Variants in OPA3 observed in about 807,000 individuals in gnomAD.
The protein encoded by OPA3 is optic atrophy 3 protein.
In OPA3, 6 loss-of-function variants were observed where a neutral mutation model predicts 4.0. The observed-to-expected ratio is 1.51, with a 90% CI of 0.83 to 2.99. The LOEUF (loss-of-function observed/expected upper bound fraction) is 2.99. Among genes scored for constraint, OPA3 ranks in the 30% most tolerant of loss-of-function variants. The pLI, the probability that OPA3 is intolerant of heterozygous loss-of-function variation, is 0.00. For synonymous variants in OPA3, 105 were observed against 117.1 expected (o/e 0.90, Z 0.67); for missense variants, 235 against 256.2 (o/e 0.92, Z 0.56).
chr19:45,569,663 G>A (rs963308418), intron 1 of OPA3, among the ~76,000 whole-genome samples: 1 of 152,088 alleles, frequency 6.6e-6, no homozygotes, highest in Non-Finnish European at 1.5e-5. Context: ...GAGTTTCCTG[G>A]GGGCTTCTGG....
At chr19:45,544,279 C>A (rs576033387), downstream of OPA3, among the ~76,000 whole-genome samples, 3 of 152,144 alleles carry the variant, frequency 2.0e-5, no homozygotes, top group Non-Finnish European at 4.4e-5. Context: ...AGCCACCACG[C>A]GGAGGAAACA....
chr19:45,530,233 A>G (rs573831535), intron 1 of OPA3, among the ~76,000 whole-genome samples: 1 of 152,192 alleles, frequency 6.6e-6, no homozygotes, highest in South Asian at 2.1e-4. Flanking sequence ...GCGTGCCTCT[A>G]ATACCAGCTA....
chr19:45,535,897 T>C (rs1279106499), intron 1 of OPA3, among the ~76,000 whole-genome samples: 1 of 151,724 alleles, frequency 6.6e-6, no homozygotes, highest in African/African-American at 2.4e-5. Flanking sequence ...CCTGAGTAGC[T>C]GGGACTAAAG....
chr19:45,582,293 G>A (rs2122523513), intron 1 of OPA3, among the ~76,000 whole-genome samples: 1 of 151,910 alleles, frequency 6.6e-6, no homozygotes, highest in East Asian at 1.9e-4. Flanking sequence ...CCGAGTAGCT[G>A]GGATTATAGG....
intron 1 of OPA3, among the ~76,000 whole-genome samples, chr19:45,578,591 G>A (rs1236922610): frequency 6.6e-6 from 1 of 152,152 alleles, no homozygotes; most frequent in African/African-American, 2.4e-5. Flanking sequence ...ACTTTGGGAG[G>A]CCAAGGCGGG....
intron 1 of OPA3, among the ~76,000 whole-genome samples, chr19:45,533,362 T>G (rs1044797241): frequency 6.6e-6 from 1 of 151,646 alleles, no homozygotes; most frequent in Non-Finnish European, 1.5e-5. Context: ...GCCCGGCTAA[T>G]ATTTTGTATT....
chr19:45,563,853 C>CTTT (rs772674145), intron 1 of OPA3, among the ~76,000 whole-genome samples: 2 of 141,350 alleles, frequency 1.4e-5, no homozygotes, highest in Non-Finnish European at 3.1e-5. Flanking sequence ...CGCGCCCGGC[C>CTTT]TTTTTTTTTT....
At chr19:45,542,316 C>T (rs1262801439), downstream of OPA3, among the ~76,000 whole-genome samples, 1 of 152,200 alleles carries the variant, frequency 6.6e-6, no homozygotes, top group African/African-American at 2.4e-5. Context: ...CAGCCGTGCA[C>T]TGCTTAATGA....
rs1262670774 is a variant in OPA3 at position 45,553,607 on chromosome 19, C to A, written c.447G>T (p.Leu149=). 2 of 1,610,416 alleles carry A rather than the reference C, an allele frequency of 1.2e-6. No homozygotes were observed. The highest frequency in any genetic ancestry group is 1.7e-6 in the Non-Finnish European group (2 of 1,179,280). Reference sequence around the variant, plus strand: ...CTTGCAGCTCTGTGCGCAGTTCCTCCAGGGCGCCCTGTGGCGGCGCCGCCT... The same window carrying A: ...CTTGCAGCTCTGTGCGCAGTTCCTCAAGGGCGCCCTGTGGCGGCGCCGCCT... ...QVQAAPPQGA[L]EELRTELQEV... The change falls in exon 2 of 2, where the codon CTG becomes CTT. Residue 149 remains leucine (L), a synonymous_variant. Transcript: ENST00000263275.
chr19:45,582,600 G>C (rs552572328), intron 1 of OPA3, among the ~76,000 whole-genome samples: 2 of 152,274 alleles, frequency 1.3e-5, no homozygotes, highest in South Asian at 2.1e-4. Context: ...CAGTGAGCCA[G>C]GAGTGCTGAT....
At chr19:45,536,270 A>C (rs1969117344) in intron 1 of OPA3, among the ~76,000 whole-genome samples, 1 of 147,660 alleles carries the variant, frequency 6.8e-6, no homozygotes. Context: ...TGGGCCGGGC[A>C]CGGTGGCTCA....
intron 1 of OPA3, among the ~76,000 whole-genome samples, chr19:45,554,981 G>A (rs1037785319): frequency 6.6e-6 from 1 of 152,036 alleles, no homozygotes; most frequent in Non-Finnish European, 1.5e-5. Flanking sequence ...TAGTAGAGAA[G>A]GGGTTTCACC....
chr19:45,578,177 C>T (rs568181346), intron 1 of OPA3, among the ~76,000 whole-genome samples: 21 of 152,320 alleles, frequency 1.4e-4, no homozygotes, highest in African/African-American at 4.8e-4. Context: ...TTTCCCAAAG[C>T]AGACCTCCTT....
intron 1 of OPA3, among the ~76,000 whole-genome samples, chr19:45,535,735 TG>T (rs1969108296): frequency 6.6e-6 from 1 of 150,968 alleles, no homozygotes; most frequent in South Asian, 2.1e-4. Context: ...TTTAATTGTT[TG>T]AACATAATAA....
intron 1 of OPA3, among the ~76,000 whole-genome samples, chr19:45,530,551 C>G (rs560544108): frequency 2.0e-5 from 3 of 151,680 alleles, no homozygotes; most frequent in Non-Finnish European, 4.4e-5. Context: ...GCTCTGTTGC[C>G]CAGGCTGTAG....
At chr19:45,584,588 G>A (rs748938403) in intron 1 of OPA3, 35 bp downstream of exon 1, 2 of 1,614,024 alleles carry the variant, frequency 1.2e-6, no homozygotes, top group South Asian at 1.1e-5. Flanking sequence ...GTTGGAGAAA[G>A]GAAAAAGGTT....
At chr19:45,538,564 A>T (rs1969148093) in intron 1 of OPA3, among the ~76,000 whole-genome samples, 1 of 151,836 alleles carries the variant, frequency 6.6e-6, no homozygotes, top group Non-Finnish European at 1.5e-5. Flanking sequence ...CTCTACTGAA[A>T]ATACAAAAAT....
At chr19:45,529,397 T>C (rs1384912230) in exon 2 of OPA3, 1 of 1,614,212 alleles carries the variant, frequency 6.2e-7, no homozygotes, top group Non-Finnish European at 8.5e-7. Flanking sequence ...AGCGGCTTGA[T>C]GGCAGCGGCA....
intron 1 of OPA3, among the ~76,000 whole-genome samples, chr19:45,535,789 A>G (rs1284936266): frequency 8.1e-6 from 1 of 123,510 alleles, no homozygotes; most frequent in African/African-American, 3.2e-5. Flanking sequence ...TTAAGAGTTG[A>G]GGTCTCACCC....
Sources: allele counts gnomAD v4.1 joint callset (sites outside exome capture counted in the v4.1 genomes callset), GRCh38; gene constraint gnomAD v4.1.1; transcripts MANE v1.5; gene names NCBI Gene and HGNC (gene_info 2026-07-23, HGNC 2026-07-21).